Variants in KLB observed in about 807,000 individuals in gnomAD.
The protein encoded by KLB is beta-klotho.
In KLB, 44 loss-of-function variants were observed where a neutral mutation model predicts 88.4. The observed-to-expected ratio is 0.50, with a 90% CI of 0.39 to 0.64. The LOEUF is 0.64. KLB is among the 30% of genes least tolerant of loss of function. The probability of loss-of-function intolerance (pLI) is 0.00; values close to 1 mark genes in which losing one functional copy is unlikely to be tolerated. For synonymous variants in KLB, 548 were observed against 513.4 expected (o/e 1.07, Z -0.91); for missense variants, 1,137 against 1,304.8 (o/e 0.87, Z 1.98).
chr4:39,438,120 G>A lies in KLB; in HGVS notation c.1605+125G>A, dbSNP rs1300517872. 5.6e-6 allele frequency: 5 copies of A among 889,424 alleles called. No homozygotes were observed. The African/African-American group carries it at 6.7e-5, about 12-fold the overall frequency. 55.1% of individuals were successfully genotyped at this position (889,424 alleles called of 1,614,324 possible). A position where few individuals can be genotyped will look rare whatever the true frequency, so the allele number is the denominator to read the frequency against. Reference sequence around the variant, plus strand: ...AATACCACAATTGTATGGAGGTTATGAAGGAGAGCTAGGGAAAGAGAAGGG... The same window carrying A: ...AATACCACAATTGTATGGAGGTTATAAAGGAGAGCTAGGGAAAGAGAAGGG... On this transcript the variant is annotated intron_variant, in intron 3 of 4. Transcript: ENST00000257408.
At chr4:39,424,496 G>C (rs776380132) in intron 1 of KLB, among the ~76,000 whole-genome samples, 1 of 151,738 alleles carries the variant, frequency 6.6e-6, no homozygotes, top group Non-Finnish European at 1.5e-5. Flanking sequence ...GGCATTTCTA[G>C]GGACGTAGGT....
chr4:39,428,314 G>A (rs1743265264), intron 1 of KLB, among the ~76,000 whole-genome samples: 1 of 151,950 alleles, frequency 6.6e-6, no homozygotes, highest in African/African-American at 2.4e-5. Context: ...TGTAATCCCA[G>A]TTACTCAGGA....
At chr4:39,442,768 C>G (rs1322485695) in intron 3 of KLB, among the ~76,000 whole-genome samples, 1 of 152,108 alleles carries the variant, frequency 6.6e-6, no homozygotes. Flanking sequence ...TGATAAATTG[C>G]GGACATCATT....
intron 3 of KLB, among the ~76,000 whole-genome samples, chr4:39,445,938 G>A (rs1466806349): frequency 6.6e-6 from 1 of 152,090 alleles, no homozygotes; most frequent in Non-Finnish European, 1.5e-5. Context: ...CCTCTTCTCA[G>A]TGAAATCTCT....
intron 3 of KLB, among the ~76,000 whole-genome samples, chr4:39,445,357 T>C (rs902543882): frequency 1.3e-5 from 2 of 152,160 alleles, no homozygotes; most frequent in African/African-American, 4.8e-5. Context: ...AGTGTCAACC[T>C]TGGGAGTTTC....
At chr4:39,438,567 G>A (rs923235486) in intron 3 of KLB, among the ~76,000 whole-genome samples, 4 of 151,978 alleles carry the variant, frequency 2.6e-5, no homozygotes, top group Admixed American at 6.6e-5. Flanking sequence ...TTTCTATAGC[G>A]TACTCGCCAC....
At chr4:39,427,904 G>A (rs1385414657) in intron 1 of KLB, among the ~76,000 whole-genome samples, 3 of 152,186 alleles carry the variant, frequency 2.0e-5, no homozygotes, top group Admixed American at 6.5e-5. Context: ...GTCCAAGATC[G>A]TAAAGCTGAT....
At chr4:39,428,966 C>T (rs1743279787) in intron 1 of KLB, among the ~76,000 whole-genome samples, 1 of 152,206 alleles carries the variant, frequency 6.6e-6, no homozygotes, top group Non-Finnish European at 1.5e-5. Flanking sequence ...ACCTCCACCT[C>T]CCAAAGTGCT....
chr4:39,407,487 G>T lies in KLB; in HGVS notation c.538G>T (p.Asp180Tyr). The change falls in exon 1 of 5, where the codon GAC becomes TAC. Residue 180 changes from aspartate to tyrosine, a missense_variant. Around this residue, in one of 4 missense-constraint regions of KLB, gnomAD observed 597 missense variants for 765.2 expected, o/e 0.78. Transcript: ENST00000257408. ...KGLQYYSTLL[D>Y]ALVLRNIEPI... is the part of the protein sequence containing the mutation. ...TCTGCAGTACTACAGTACTCTTCTG[G>T]ACGCTCTAGTGCTTAGAAACATTGA... The T allele has an allele frequency of 6.2e-7, 1 of 1,614,152 alleles. No individual in the cohort carries two copies. The highest frequency in any genetic ancestry group is 8.5e-7 in the Non-Finnish European group (1 of 1,180,030).
intron 2 of KLB, among the ~76,000 whole-genome samples, chr4:39,436,773 A>G (rs1743480957): frequency 6.6e-6 from 1 of 151,816 alleles, no homozygotes; most frequent in South Asian, 2.1e-4. Context: ...GCAATGGTAC[A>G]ATCTTGGCTC....
intron 3 of KLB, among the ~76,000 whole-genome samples, chr4:39,445,027 T>C (rs1743704730): frequency 6.6e-6 from 1 of 152,262 alleles, no homozygotes. Flanking sequence ...TAACTTTTAC[T>C]TTCCCTTATT....
rs1314219261 is a variant in KLB at position 39,448,550 on chromosome 4, T to C, written c.2999T>C (p.Leu1000Pro). The change falls in exon 5 of 5, where the codon CTG (leucine) becomes CCG (proline). Residue 1000 changes from leucine (L) to proline (P), a missense_variant. Leu to Pro is a moderately conservative substitution (Grantham distance 98, BLOSUM62 -3). Around this residue, in one of 4 missense-constraint regions of KLB, gnomAD observed 426 missense variants for 404.6 expected, o/e 1.05. Transcript: ENST00000257408. ...GTGCAGAAGAAACCACTGATATTCC[T>C]GGGTTGTTGCTTCTTCTCCACCCTG... ...FLVQKKPLIF[L>P]GCCFFSTLVL... is the part of the protein sequence containing the mutation. The C allele has an allele frequency of 6.2e-7, 1 of 1,614,230 alleles. No individual in the cohort carries two copies. The highest frequency in any genetic ancestry group is 8.5e-7 in the Non-Finnish European group (1 of 1,180,040).
intron 1 of KLB, among the ~76,000 whole-genome samples, chr4:39,427,476 C>CT (rs1743244377): frequency 1.1e-5 from 1 of 94,508 alleles, no homozygotes; most frequent in Non-Finnish European, 2.2e-5. Flanking sequence ...GAGGGAGACT[C>CT]TGTCTCAAAA....
chr4:39,424,251 T>A (rs1445011835), intron 1 of KLB, among the ~76,000 whole-genome samples: 1 of 151,602 alleles, frequency 6.6e-6, no homozygotes, highest in East Asian at 1.9e-4. Flanking sequence ...TTGTATTTTT[T>A]GTAGAGACGA....
chr4:39,411,117 A>C (rs1241103271), intron 1 of KLB, among the ~76,000 whole-genome samples: 1 of 150,058 alleles, frequency 6.7e-6, no homozygotes, highest in African/African-American at 2.5e-5. Flanking sequence ...GCAGTGGCAC[A>C]ATCTTGGCTC....
At chr4:39,413,504 G>A (rs771952429) in intron 1 of KLB, among the ~76,000 whole-genome samples, 5 of 151,986 alleles carry the variant, frequency 3.3e-5, no homozygotes, top group Non-Finnish European at 7.4e-5. Context: ...GAGCCCAGGA[G>A]TTCAAGACTA....
chr4:39,440,744 G>C (rs192737648), intron 3 of KLB, among the ~76,000 whole-genome samples: 1 of 151,742 alleles, frequency 6.6e-6, no homozygotes, highest in Non-Finnish European at 1.5e-5. Flanking sequence ...TTTTAGTAGG[G>C]ACAGGGCTTC....
At position 39,447,108 on chromosome 4, in the gene KLB, C is replaced by A. The variant is rs1293031701; in HGVS notation, c.2382C>A (p.His794Gln). Residue 794 changes from histidine to glutamine, a missense_variant, in exon 4 of 5, where the codon CAC (histidine) becomes CAA (glutamine). Transcript: ENST00000257408. ...AAMREYIASK[H>Q]RRGLSSSALP... ...TGAGGGAATACATTGCCTCCAAGCA[C>A]CGACGGGGGCTTTCCAGCTCGGCCC... 6.2e-7 allele frequency: 1 copy of A among 1,613,410 alleles called. No homozygotes were observed.
At chr4:39,438,552 C>T (rs1743530251) in intron 3 of KLB, among the ~76,000 whole-genome samples, 1 of 152,116 alleles carries the variant, frequency 6.6e-6, no homozygotes, top group African/African-American at 2.4e-5. Context: ...TCCTCTTTTC[C>T]TGCTTTTCTA....
Sources: allele counts gnomAD v4.1 joint callset (sites outside exome capture counted in the v4.1 genomes callset), GRCh38; gene constraint gnomAD v4.1.1; regional missense constraint gnomAD v4.1.1; transcripts MANE v1.5; gene names NCBI Gene and HGNC (gene_info 2026-07-23, HGNC 2026-07-21).